Variants in CCR3 observed in about 807,000 individuals in gnomAD.
CCR3 encodes C-C chemokine receptor type 3.
For synonymous variants in CCR3, 203 were observed against 179.2 expected, an observed-to-expected ratio of 1.13 and a Z score of -1.06; for missense variants, 419 against 437.5, an observed-to-expected ratio of 0.96 and a Z score of 0.38.
intron 1 of CCR3, among the ~76,000 whole-genome samples, chr3:46,248,999 C>A (rs940640610): frequency 6.6e-6 from 1 of 152,154 alleles, no homozygotes; most frequent in South Asian, 2.1e-4. Context: ...CATGCCTTAG[C>A]AGGCGAGTGA....
At chr3:46,247,998 A>T (rs983598038) in intron 1 of CCR3, among the ~76,000 whole-genome samples, 1 of 152,120 alleles carries the variant, frequency 6.6e-6, no homozygotes, top group Non-Finnish European at 1.5e-5. Context: ...AGTGGCTTGT[A>T]CTATAGCATA....
chr3:46,261,738 C>A (rs1700528966), intron 1 of CCR3, among the ~76,000 whole-genome samples: 1 of 152,198 alleles, frequency 6.6e-6, no homozygotes, highest in African/African-American at 2.4e-5. Context: ...AGTTTGTACT[C>A]TTGAGAGTTC....
intron 1 of CCR3, among the ~76,000 whole-genome samples, chr3:46,248,299 A>G (rs947843116): frequency 4.6e-5 from 7 of 152,164 alleles, no homozygotes; most frequent in Non-Finnish European, 2.9e-5. Flanking sequence ...GAGGAAGAAA[A>G]TAGATTTTGG....
intron 1 of CCR3, among the ~76,000 whole-genome samples, chr3:46,257,073 T>C (rs1230178781): frequency 2.6e-5 from 4 of 152,266 alleles, no homozygotes; most frequent in Non-Finnish European, 5.9e-5. Flanking sequence ...CTTTACACAG[T>C]TTATAACTCC....
intron 1 of CCR3, among the ~76,000 whole-genome samples, chr3:46,252,537 T>G (rs370422685): frequency 6.6e-6 from 1 of 152,026 alleles, no homozygotes; most frequent in African/African-American, 2.4e-5. Flanking sequence ...ACAGAAAAAT[T>G]CTATTGGACC....
At chr3:46,230,868 T>C (rs1329931848) in intron 2 of CCR3, among the ~76,000 whole-genome samples, 3 of 152,170 alleles carry the variant, frequency 2.0e-5, no homozygotes, top group African/African-American at 7.2e-5. Context: ...CACATGTTTT[T>C]ATTCATTCAG....
intron 1 of CCR3, among the ~76,000 whole-genome samples, chr3:46,262,119 G>C (rs1445653798): frequency 6.6e-6 from 1 of 152,128 alleles, no homozygotes; most frequent in Admixed American, 6.5e-5. Flanking sequence ...ATCTTAGAAA[G>C]GAACACTGAA....
chr3:46,231,613 G>A (rs983089992), intron 2 of CCR3, among the ~76,000 whole-genome samples: 1 of 152,132 alleles, frequency 6.6e-6, no homozygotes, highest in African/African-American at 2.4e-5. Context: ...TGCCAAGAGG[G>A]TAGATCTTAC....
At chr3:46,250,825 C>T (rs1700293679) in intron 1 of CCR3, among the ~76,000 whole-genome samples, 1 of 150,974 alleles carries the variant, frequency 6.6e-6, no homozygotes, top group African/African-American at 2.4e-5. Flanking sequence ...TTCTTACCCT[C>T]CAGAAAAGCG....
At chr3:46,230,174 G>T (rs141875536) in intron 2 of CCR3, among the ~76,000 whole-genome samples, 13 of 152,314 alleles carry the variant, frequency 8.5e-5, no homozygotes, top group Admixed American at 2.6e-4. Flanking sequence ...ACAGGGTCCA[G>T]CAGAGCCCCA....
chr3:46,265,735 T>G lies in CCR3; in HGVS notation c.577T>G (p.Tyr193Asp). The G allele has an allele frequency of 1.9e-6, 3 of 1,613,870 alleles. No individual in the cohort carries two copies. The South Asian group carries it at 3.3e-5, about 18-fold the overall frequency. The change falls in exon 2 of 2, where the codon TAT becomes GAT. Residue 193 changes from tyrosine to aspartate, a missense_variant. Transcript: ENST00000395940. ...CSALYPEDTV[Y>D]SWRHFHTLRM... Reference sequence around the variant, plus strand: ...TGCTCTTTACCCAGAGGATACAGTATATAGCTGGAGGCATTTCCACACTCT... The same window carrying G: ...TGCTCTTTACCCAGAGGATACAGTAGATAGCTGGAGGCATTTCCACACTCT...
chr3:46,230,778 T>G (rs1398691164), intron 2 of CCR3, among the ~76,000 whole-genome samples: 1 of 152,164 alleles, frequency 6.6e-6, no homozygotes, highest in African/African-American at 2.4e-5. Context: ...AAAGTCATCT[T>G]TATCGGTGTT....
rs546295372 is a variant in CCR3 at position 46,211,475 on chromosome 3, C to G, written c.-68+568C>G. Among the ~76,000 whole-genome samples, 3 of 151,994 alleles carry G rather than the reference C, an allele frequency of 2.0e-5. No homozygotes were observed. The East Asian group carries it at 5.8e-4, about 29-fold the overall frequency. ...ATGGGCTCTAGTGACCCTCTTGCCC[C>G]AGCCTCCCAAAGTGCTGGGATTACA... is the stretch of plus-strand genomic sequence containing the variant. On this transcript the variant is annotated intron_variant, in intron 2 of 3. Transcript: ENST00000357422.
intron 2 of CCR3, among the ~76,000 whole-genome samples, chr3:46,227,343 T>C (rs1295299216): frequency 6.6e-6 from 1 of 152,196 alleles, no homozygotes; most frequent in East Asian, 1.9e-4. Context: ...ATATCCCGTT[T>C]TATTTCTGAT....
intron 1 of CCR3, among the ~76,000 whole-genome samples, chr3:46,242,869 A>G (rs1229871497): frequency 1.3e-5 from 2 of 151,476 alleles, no homozygotes; most frequent in Non-Finnish European, 2.9e-5. Context: ...AACTATGTGC[A>G]TATGACTACT....
At chr3:46,229,105 A>C (rs972472284) in intron 2 of CCR3, among the ~76,000 whole-genome samples, 1 of 152,160 alleles carries the variant, frequency 6.6e-6, no homozygotes, top group African/African-American at 2.4e-5. Flanking sequence ...GTGTGGTCAT[A>C]TCACTGAGTT....
chr3:46,236,893 G>A lies in CCR3; in HGVS notation c.-67-5509G>A, dbSNP rs1000914562. ...GCCAGGGATCCTGGAAAGTTGTCCC[G>A]CAGGCAGCTGTAAGGGGAGACCTGA... is the stretch of plus-strand genomic sequence containing the variant. On this transcript the variant is annotated intron_variant, in intron 2 of 3. Coordinates refer to the CCR3 transcript ENST00000357422. Among the ~76,000 whole-genome samples, 12 of 152,326 alleles carry A rather than the reference G, an allele frequency of 7.9e-5. No homozygotes were observed. The South Asian group carries it at 8.3e-4, about 11-fold the overall frequency.
chr3:46,223,792 G>A (rs1289707562), intron 2 of CCR3, among the ~76,000 whole-genome samples: 2 of 152,182 alleles, frequency 1.3e-5, no homozygotes, highest in African/African-American at 4.8e-5. Context: ...AGACATTTTA[G>A]ATCCCATGGC....
intron 2 of CCR3, among the ~76,000 whole-genome samples, chr3:46,223,227 C>T (rs1699856448): frequency 2.0e-5 from 3 of 152,192 alleles, no homozygotes. Flanking sequence ...TGGTGGACAT[C>T]TGTAATCCCA....
Sources: gnomAD v4.1 joint callset for allele counts (sites outside exome capture counted in the v4.1 genomes callset) on GRCh38, gnomAD v4.1.1 for gene constraint, MANE v1.5 for transcripts, NCBI Gene and HGNC (gene_info 2026-07-23, HGNC 2026-07-21) for gene names.